Variants in FBN1 observed in about 807,000 individuals in gnomAD.
The protein encoded by FBN1 is fibrillin-1.
FBN1 carries 29 observed loss-of-function variants against 365.1 expected under a neutral mutation model. That is an observed-to-expected ratio of 0.08 (90% CI 0.06 to 0.11). The LOEUF (loss-of-function observed/expected upper bound fraction) is 0.11. FBN1 is among the 10% of genes least tolerant of loss of function. The pLI, the probability that FBN1 is intolerant of heterozygous loss-of-function variation, is 1.00. For missense variants in FBN1, 2,476 were observed against 3,703.2 expected, an observed-to-expected ratio of 0.67 and a Z score of 8.60; for synonymous variants, 1,210 against 1,270.5, an observed-to-expected ratio of 0.95 and a Z score of 1.01.
At chr15:48,428,182 A>T (rs2042995198) in intron 57 of FBN1, 164 bp downstream of exon 57, 1 of 863,674 alleles carries the variant, frequency 1.2e-6, no homozygotes, top group South Asian at 1.5e-5. Context: ...GGTGGTGCTG[A>T]GCCCAATGGA....
At chr15:48,456,997 A>C (rs2043245954) in intron 43 of FBN1, among the ~76,000 whole-genome samples, 1 of 152,148 alleles carries the variant, frequency 6.6e-6, no homozygotes, top group African/African-American at 2.4e-5. Context: ...GTTTTGCTTC[A>C]GAATGTCAAT....
intron 6 of FBN1, among the ~76,000 whole-genome samples, chr15:48,589,583 C>T (rs1284068695): frequency 6.6e-6 from 1 of 151,758 alleles, no homozygotes; most frequent in East Asian, 1.9e-4. Context: ...GGCATTGTGC[C>T]CCTGCTATCT....
rs1298538974 is a variant in FBN1, at chr15:48,516,242, G to C, written c.1268C>G (p.Pro423Arg). ...TGGTGGTCGAGGGACCGGAATTTGA[G>C]GTCCAGGAGGAAAGCCAGGAGGAAC... ...LPVPPGFPPG[P>R]QIPVPRPPVE... is the part of the protein sequence containing the mutation. The change falls in exon 11 of 66, where the codon CCT becomes CGT. Residue 423 changes from proline to arginine, a missense_variant. By Grantham distance (103) the Pro-to-Arg change is moderately radical (BLOSUM62 -2). Coordinates refer to ENST00000316623, the MANE Select transcript of FBN1 (RefSeq NM_000138.5). 6.2e-7 allele frequency: 1 copy of C among 1,613,906 alleles called. No homozygotes were observed. The highest frequency in any genetic ancestry group is 2.2e-5 in the East Asian group (1 of 44,866).
chr15:48,583,044 A>C (rs546163093), intron 6 of FBN1, among the ~76,000 whole-genome samples: 42 of 152,152 alleles, frequency 2.8e-4, no homozygotes, highest in Admixed American at 6.6e-4. Flanking sequence ...ACCACTGCAC[A>C]CCTCTCAATG....
chr15:48,417,254 T>C (rs1355222597), intron 63 of FBN1, among the ~76,000 whole-genome samples: 1 of 152,234 alleles, frequency 6.6e-6, no homozygotes, highest in African/African-American at 2.4e-5. Flanking sequence ...TTTTCTTTTT[T>C]TTTAAATTAG....
chr15:48,615,185 C>T (rs1597634491), intron 2 of FBN1, among the ~76,000 whole-genome samples: 1 of 152,182 alleles, frequency 6.6e-6, no homozygotes, highest in Admixed American at 6.5e-5. Context: ...TAGAACAGCT[C>T]CGCTGGAGAT....
intron 5 of FBN1, among the ~76,000 whole-genome samples, chr15:48,597,734 G>T (rs2044526908): frequency 6.6e-6 from 1 of 152,236 alleles, no homozygotes; most frequent in South Asian, 2.1e-4. Flanking sequence ...AACCAGAGAG[G>T]TTTATGTAAA....
chr15:48,508,526 C>G (rs956763580), intron 15 of FBN1, 56 bp downstream of exon 15: 4 of 1,611,020 alleles, frequency 2.5e-6, no homozygotes, highest in African/African-American at 1.3e-5. Flanking sequence ...CTCTAAACAA[C>G]ATAAGGAGGA....
Position 48,520,575 on chromosome 15 carries a change from C to T in FBN1, c.1147+84G>A. On this transcript the variant is annotated intron_variant, in intron 10 of 65. Transcript: ENST00000316623. ...GAGACTACTCATTTACCCAAGTTTC[C>T]ATTACATCTGCATCATGCACATTGC... 3 of 1,516,372 alleles carry T rather than the reference C, an allele frequency of 2.0e-6. No individual in the cohort carries two copies. The South Asian group carries it at 3.5e-5, about 18-fold the overall frequency. 93.9% of individuals were successfully genotyped at this position (1,516,372 alleles called of 1,614,324 possible).
At chr15:48,492,397 T>C (rs2043567454) in intron 24 of FBN1, 64 bp downstream of exon 24, 1 of 1,541,358 alleles carries the variant, frequency 6.5e-7, no homozygotes, top group Non-Finnish European at 8.9e-7. Flanking sequence ...CTATATCTTG[T>C]TAACTTCATT....
chr15:48,523,973 A>G lies in FBN1; in HGVS notation c.988+2157T>C, dbSNP rs191769788. Among the ~76,000 whole-genome samples, 15 of 152,300 alleles carry G rather than the reference A, an allele frequency of 9.8e-5. No individual in the cohort carries two copies. The East Asian group carries it at 2.9e-3, about 29-fold the overall frequency. On this transcript the variant is annotated intron_variant, in intron 9 of 65. Coordinates refer to ENST00000316623, the MANE Select transcript of FBN1 (RefSeq NM_000138.5). ...GAAATCACATTATATCAAAGCAAAT[A>G]TATTATGGATTAAATAGGCGTTTGC... is the stretch of plus-strand genomic sequence containing the variant.
At chr15:48,575,800 G>GACACAC (rs1394218788) in intron 6 of FBN1, among the ~76,000 whole-genome samples, 1 of 115,562 alleles carries the variant, frequency 8.7e-6, no homozygotes, top group Non-Finnish European at 1.8e-5. Context: ...GAAAATGTGA[G>GACACAC]ATACACACAC....
At chr15:48,645,231 G>A (rs1038733075) in intron 1 of FBN1, among the ~76,000 whole-genome samples, 1 of 152,160 alleles carries the variant, frequency 6.6e-6, no homozygotes, top group Admixed American at 6.5e-5. Context: ...AGCTCTCTGG[G>A]TTTATTTTTT....
intron 38 of FBN1, 55 bp downstream of exon 38, chr15:48,467,883 G>T: frequency 6.7e-7 from 1 of 1,503,520 alleles, no homozygotes; most frequent in Non-Finnish European, 9.3e-7. Context: ...TTCTGATCTA[G>T]AAAGGAGAAC....
At position 48,487,353 on chromosome 15, in the gene FBN1, G is replaced by A. The variant is rs2228241; in HGVS notation, c.3422C>T (p.Pro1141Leu). 829 of 1,614,194 alleles carry A rather than the reference G, an allele frequency of 5.1e-4. 4 individuals are homozygous for A. The highest frequency in any genetic ancestry group is 1.7e-4 in the Admixed American group (10 of 60,030). The part of the protein sequence containing the change: ...NTEGSYRCEC[P>L]PGHQLSPNIS... The stretch of plus-strand genomic sequence containing the variant: ...GTTGGGGGACAGCTGATGGCCAGGC[G>A]GGCATTCACAGCGGTAACTTCCCTC... The change falls in exon 28 of 66, where the codon CCG (proline) becomes CTG (leucine). Residue 1141 changes from proline to leucine, a missense_variant. Coordinates refer to ENST00000316623, the MANE Select transcript of FBN1 (RefSeq NM_000138.5).
chr15:48,579,200 A>G (rs1254221016), intron 6 of FBN1, among the ~76,000 whole-genome samples: 1 of 152,148 alleles, frequency 6.6e-6, no homozygotes, highest in Non-Finnish European at 1.5e-5. Flanking sequence ...TGTATGTCAT[A>G]ACAAATATCT....
In FBN1 at chr15:48,600,666, C is replaced by A. The variant is rs371966239; in HGVS notation, c.347-432G>T. Among the ~76,000 whole-genome samples, 53 of 152,292 alleles carry A rather than the reference C, an allele frequency of 3.5e-4. 1 individual carries two copies. In the East Asian group the frequency reaches 8.9e-3, roughly 25 times the overall value. ...GTTGTAGTGAGCGGAGATCGCACCACTGTACTCCAGCCTGAGTGACAGAGC... is the reference window on the plus strand; with the variant it reads ...GTTGTAGTGAGCGGAGATCGCACCAATGTACTCCAGCCTGAGTGACAGAGC... On this transcript the variant is annotated intron_variant, in intron 4 of 65. Coordinates refer to ENST00000316623, the MANE Select transcript of FBN1 (RefSeq NM_000138.5).
intron 6 of FBN1, among the ~76,000 whole-genome samples, chr15:48,573,506 G>T (rs998715241): frequency 4.6e-5 from 7 of 152,114 alleles, no homozygotes; most frequent in African/African-American, 1.7e-4. Flanking sequence ...TAATAATTAA[G>T]ATTATTCCAA....
chr15:48,502,185 C>T (rs1243408683), intron 17 of FBN1, among the ~76,000 whole-genome samples: 7 of 152,192 alleles, frequency 4.6e-5, no homozygotes, highest in African/African-American at 1.2e-4. Context: ...CGCACCACCA[C>T]GCATGACTTT....
Sources: gnomAD v4.1 joint callset for allele counts (sites outside exome capture counted in the v4.1 genomes callset) on GRCh38, gnomAD v4.1.1 for gene constraint, MANE v1.5 for transcripts, NCBI Gene and HGNC (gene_info 2026-07-23, HGNC 2026-07-21) for gene names.